MARK2: variants seen among roughly 807,000 people sequenced by gnomAD.
MARK2 encodes the protein microtubule affinity regulating kinase 2, also known as serine/threonine-protein kinase MARK2.
In MARK2, 16 loss-of-function variants were observed where a neutral mutation model predicts 89.8. That is an observed-to-expected ratio of 0.18 (90% CI 0.12 to 0.27). The LOEUF (loss-of-function observed/expected upper bound fraction) is 0.27, where lower values mean the gene tolerates loss of function less well. Ranked by LOEUF, MARK2 falls within the 10% of genes least tolerant of loss-of-function variation. MARK2 has a pLI of 1.00. For missense variants in MARK2, 621 were observed against 1,049.9 expected, an observed-to-expected ratio of 0.59 and a Z score of 5.65; for synonymous variants, 382 against 399.5, an observed-to-expected ratio of 0.96 and a Z score of 0.52.
chr11:63,847,743 C>T (rs560850313), intron 1 of MARK2, among the ~76,000 whole-genome samples: 4 of 152,208 alleles, frequency 2.6e-5, no homozygotes, highest in African/African-American at 9.7e-5. Flanking sequence ...GCTTTATACA[C>T]CTTTCACTGA....
At position 63,910,353 on chromosome 11, in the gene MARK2, C is replaced by T. The variant is rs1334022717; in HGVS notation, c.*1116C>T. 1.3e-5 allele frequency: 2 copies of T among 152,472 alleles called. No homozygotes were observed. Among genetic ancestry groups the T allele is most frequent in the Non-Finnish European group, 2.9e-5 (2 of 68,216 alleles). The allele number at this position is 152,472 out of a possible 1,614,324, so 9.4% of individuals were successfully genotyped here. ...TGTCGCCCCCTCCTCTCAGGAGACACTGCCGAGGGCCACCTGGCAGAAGGC... is the reference window on the plus strand; with the variant it reads ...TGTCGCCCCCTCCTCTCAGGAGACATTGCCGAGGGCCACCTGGCAGAAGGC... On this transcript the variant is annotated 3_prime_UTR_variant, in exon 19 of 19. Transcript: ENST00000402010.
chr11:63,868,656 TC>T (rs1565110155), intron 1 of MARK2: 1 of 402,802 alleles, frequency 2.5e-6, no homozygotes, highest in Admixed American at 2.6e-5. Context: ...AGCCAAGCCC[TC>T]CTGGCTTTGC....
chr11:63,903,075 C>T lies in MARK2; in HGVS notation c.1431C>T (p.Ser477=). ...TPTPSTNSVL[S]TSTNRSRNSP... is the part of the protein sequence containing the mutation. Reference sequence around the variant, plus strand: ...ATTCCCCACAGAACAGCGTCCTCTCCACCAGCACAAATCGAAGCAGGAATT... The same window carrying T: ...ATTCCCCACAGAACAGCGTCCTCTCTACCAGCACAAATCGAAGCAGGAATT... The change falls in exon 14 of 19, where the codon TCC becomes TCT. Residue 477 remains serine (S), a synonymous_variant. Transcript: ENST00000402010. The surrounding 1 kb of genome is among the most constrained non-coding windows in gnomAD (Gnocchi z 5.1). 1.2e-6 allele frequency: 2 copies of T among 1,614,076 alleles called. No homozygotes were observed. The highest frequency in any genetic ancestry group is 1.7e-6 in the Non-Finnish European group (2 of 1,179,970).
chr11:63,852,566 T>C (rs2016624832), intron 1 of MARK2, among the ~76,000 whole-genome samples: 1 of 151,848 alleles, frequency 6.6e-6, no homozygotes, highest in Non-Finnish European at 1.5e-5. Context: ...GAAGACTTGC[T>C]TTTTCAACCC....
chr11:63,839,328 A>T lies in MARK2; in HGVS notation c.-179A>T. 3 of 469,666 alleles carry T rather than the reference A, an allele frequency of 6.4e-6. No individual in the cohort carries two copies. In the East Asian group the frequency reaches 1.1e-4, roughly 18 times the overall value. The allele number at this position is 469,666 out of a possible 1,614,324, so 29.1% of individuals were successfully genotyped here. ...GAGCCGCTCGGAGCCGGCGCGGCCT[A>T]GCCCGAGCGGCGCATCCCCGGGCTG... is the stretch of plus-strand genomic sequence containing the variant. On this transcript the variant is annotated 5_prime_UTR_variant, in exon 1 of 19. Transcript: ENST00000402010.
At chr11:63,895,491 G>A in intron 2 of MARK2, 89 bp from the exon 3 acceptor site, 1 of 1,445,738 alleles carries the variant, frequency 6.9e-7, no homozygotes, top group East Asian at 2.3e-5. Context: ...GGATGAAAAG[G>A]AGTAAGAAAT....
intron 3 of MARK2, among the ~76,000 whole-genome samples, chr11:63,896,694 C>T (rs562956091): frequency 6.6e-6 from 1 of 152,258 alleles, no homozygotes; most frequent in South Asian, 2.1e-4. Flanking sequence ...CCCCTGGGAT[C>T]CCTTCAAGGG....
At chr11:63,891,610 C>T (rs776388798) in intron 1 of MARK2, among the ~76,000 whole-genome samples, 5 of 152,220 alleles carry the variant, frequency 3.3e-5, no homozygotes, top group Non-Finnish European at 7.3e-5. Flanking sequence ...ACTTAGAGAC[C>T]GTCACACTTC....
chr11:63,883,641 G>A (rs934202459), intron 1 of MARK2, among the ~76,000 whole-genome samples: 8 of 151,950 alleles, frequency 5.3e-5, no homozygotes, highest in African/African-American at 1.9e-4. Flanking sequence ...GTGCAGCAGT[G>A]TGATCACGGC....
intron 1 of MARK2, among the ~76,000 whole-genome samples, chr11:63,862,856 C>A (rs182041428): frequency 1.6e-4 from 17 of 107,258 alleles, no homozygotes; most frequent in African/African-American, 4.9e-4. Flanking sequence ...TGTAAGCACC[C>A]CACTCCCCAC....
At chr11:63,843,177 T>G (rs907032272) in intron 1 of MARK2, among the ~76,000 whole-genome samples, 8 of 152,210 alleles carry the variant, frequency 5.3e-5, no homozygotes, top group Non-Finnish European at 8.8e-5. Context: ...TTTGTTCACT[T>G]CTTTTCCAAA....
chr11:63,854,378 GT>G (rs61469139), intron 1 of MARK2, among the ~76,000 whole-genome samples: 2,289 of 108,780 alleles, frequency 0.021, 24 homozygotes, highest in Non-Finnish European at 0.028. Flanking sequence ...TTTTCTATTT[GT>G]TTTTTTTTTT....
At chr11:63,857,974 C>T (rs1331168579) in intron 1 of MARK2, among the ~76,000 whole-genome samples, 2 of 152,148 alleles carry the variant, frequency 1.3e-5, no homozygotes, top group African/African-American at 4.8e-5. Flanking sequence ...TCCCAGAGTG[C>T]TGGGATTATA....
intron 1 of MARK2, among the ~76,000 whole-genome samples, chr11:63,887,876 G>T (rs1367183943): frequency 6.6e-6 from 1 of 152,216 alleles, no homozygotes; most frequent in African/African-American, 2.4e-5. Flanking sequence ...AGGTAAGGCA[G>T]GGGATTGGTG....
chr11:63,885,161 C>A (rs1939318514), intron 1 of MARK2, among the ~76,000 whole-genome samples: 1 of 152,004 alleles, frequency 6.6e-6, no homozygotes, highest in Admixed American at 6.6e-5. Flanking sequence ...CCACTGCACT[C>A]CAGCCCGGGC....
At chr11:63,853,691 C>G (rs1168994271) in intron 1 of MARK2, among the ~76,000 whole-genome samples, 1 of 152,052 alleles carries the variant, frequency 6.6e-6, no homozygotes, top group Admixed American at 6.5e-5. Context: ...CTGCTGACGC[C>G]GTAACATGGA....
At chr11:63,860,554 A>T (rs1299729617) in intron 1 of MARK2, among the ~76,000 whole-genome samples, 2 of 148,852 alleles carry the variant, frequency 1.3e-5, no homozygotes, top group Non-Finnish European at 3.0e-5. Context: ...TCTCAAAAAA[A>T]AAAAAATAAA....
Position 63,904,225 on chromosome 11 carries a change from C to T in MARK2, c.1676+78C>T. 2.3e-6 allele frequency: 3 copies of T among 1,281,908 alleles called. No individual in the cohort carries two copies. Among genetic ancestry groups the T allele is most frequent in the Non-Finnish European group, 3.2e-6 (3 of 949,318 alleles). The allele number at this position is 1,281,908 out of a possible 1,614,324, so 79.4% of individuals were successfully genotyped here. ...CCTTGCCCCAACAATTTCTTCTTCC[C>T]ACTTGGGGGTCCTGCTGTGTTCTTG... On this transcript the variant is annotated intron_variant, in intron 15 of 18. Coordinates refer to ENST00000402010, the MANE Select transcript of MARK2 (RefSeq NM_001039469.3). The surrounding 1 kb of genome is among the most constrained non-coding windows in gnomAD (Gnocchi z 6.3).
At chr11:63,881,852 A>T (rs926567692) in intron 1 of MARK2, among the ~76,000 whole-genome samples, 1 of 152,168 alleles carries the variant, frequency 6.6e-6, no homozygotes, top group African/African-American at 2.4e-5. Flanking sequence ...ACTATTCGAG[A>T]GGCTGAAGCA....
Sources: allele counts gnomAD v4.1 joint callset (sites outside exome capture counted in the v4.1 genomes callset), GRCh38; gene constraint gnomAD v4.1.1; non-coding constraint Gnocchi (gnomAD v3.1); transcripts MANE v1.5; gene names NCBI Gene and HGNC (gene_info 2026-07-23, HGNC 2026-07-21).